The following CLASP1 variants were observed in gnomAD, a reference collection of about 807,000 sequenced individuals.
CLASP1 encodes the protein cytoplasmic linker associated protein 1, also known as CLIP-associating protein 1.
A neutral mutation model predicts 192.3 loss-of-function variants in CLASP1; 38 were observed. The observed-to-expected ratio is 0.20, with a 90% CI of 0.15 to 0.26. The LOEUF (loss-of-function observed/expected upper bound fraction) is 0.26, where lower values mean the gene tolerates loss of function less well. Among genes scored for constraint, CLASP1 ranks in the 10% least tolerant of loss-of-function variants. The pLI is 1.00. For missense variants in CLASP1, 1,433 were observed against 1,932.5 expected (o/e 0.74, Z 4.85); for synonymous variants, 691 against 712.8 (o/e 0.97, Z 0.49).
At chr2:121,561,760 T>C (rs1263182499) in intron 2 of CLASP1, among the ~76,000 whole-genome samples, 1 of 152,250 alleles carries the variant, frequency 6.6e-6, no homozygotes, top group East Asian at 1.9e-4. Context: ...TACTGGGCTC[T>C]CTAAATAAAG....
chr2:121,412,211 T>G (rs1435486088), intron 23 of CLASP1, among the ~76,000 whole-genome samples: 4 of 152,162 alleles, frequency 2.6e-5, no homozygotes. Flanking sequence ...GGAGAAAAAT[T>G]TAAACACTGC....
chr2:121,633,734 C>T (rs1479400694), intron 1 of CLASP1, among the ~76,000 whole-genome samples: 1 of 152,064 alleles, frequency 6.6e-6, no homozygotes, highest in Non-Finnish European at 1.5e-5. Flanking sequence ...GGGCCAGGCA[C>T]GGTGGCTCAC....
intron 2 of CLASP1, among the ~76,000 whole-genome samples, chr2:121,581,568 C>T (rs1378932818): frequency 6.6e-6 from 1 of 152,128 alleles, no homozygotes; most frequent in African/African-American, 2.4e-5. Flanking sequence ...GCCACCGCGC[C>T]CGGCCCCTTT....
chr2:121,346,942 A>G (rs1436698894), intron 39 of CLASP1, 96 bp downstream of exon 40: 2 of 746,508 alleles, frequency 2.7e-6, no homozygotes, highest in Non-Finnish European at 4.5e-6. Flanking sequence ...CACAATGAAC[A>G]AAACCTGTCT....
At chr2:121,502,352 A>G (rs1442671779) in intron 8 of CLASP1, among the ~76,000 whole-genome samples, 1 of 152,176 alleles carries the variant, frequency 6.6e-6, no homozygotes, top group Non-Finnish European at 1.5e-5. Context: ...GATACATGCA[A>G]AGAAAACTCA....
At chr2:121,478,752 C>A (rs1194669947) in intron 8 of CLASP1, among the ~76,000 whole-genome samples, 55 of 48,804 alleles carry the variant, frequency 1.1e-3, no homozygotes, top group East Asian at 4.2e-3. Flanking sequence ...CCACACACAC[C>A]ACACACACAC....
intron 23 of CLASP1, among the ~76,000 whole-genome samples, chr2:121,417,244 C>T (rs1376155954): frequency 1.3e-5 from 2 of 152,164 alleles, no homozygotes; most frequent in African/African-American, 2.4e-5. Context: ...GCCTGCTCCA[C>T]ATGCCAGATT....
intron 2 of CLASP1, among the ~76,000 whole-genome samples, chr2:121,540,504 C>T (rs991480918): frequency 2.6e-5 from 4 of 151,892 alleles, no homozygotes; most frequent in Admixed American, 2.6e-4. Flanking sequence ...ACCAAGCAAA[C>T]ATGGCCAGGC....
chr2:121,494,281 G>C (rs2093439510), intron 8 of CLASP1, among the ~76,000 whole-genome samples: 1 of 152,234 alleles, frequency 6.6e-6, no homozygotes. Flanking sequence ...AAAAGAATGA[G>C]ATCCTGTCAT....
chr2:121,496,943 G>T (rs2093558718), intron 8 of CLASP1, among the ~76,000 whole-genome samples: 2 of 152,052 alleles, frequency 1.3e-5, no homozygotes, highest in Non-Finnish European at 2.9e-5. Context: ...GGAACTAGAG[G>T]CCATCATATT....
chr2:121,457,163 TG>T (rs2086838756), intron 14 of CLASP1, among the ~76,000 whole-genome samples: 1 of 152,162 alleles, frequency 6.6e-6, no homozygotes, highest in Admixed American at 6.5e-5. Flanking sequence ...CTGTGTCTTC[TG>T]GGTATATCTC....
chr2:121,592,016 C>T (rs945697388), intron 2 of CLASP1, among the ~76,000 whole-genome samples: 1 of 152,152 alleles, frequency 6.6e-6, no homozygotes, highest in African/African-American at 2.4e-5. Context: ...ACAGACTCTC[C>T]CTCTACCTAA....
chr2:121,531,121 CAAGT>C, intron 2 of CLASP1: 1 of 627,908 alleles, frequency 1.6e-6, no homozygotes, highest in Non-Finnish European at 2.9e-6. Flanking sequence ...TTTAGTGTCG[CAAGT>C]AAAGTTCTTT....
chr2:121,367,132 G>A (rs143797317), intron 35 of CLASP1, among the ~76,000 whole-genome samples: 8 of 152,326 alleles, frequency 5.3e-5, no homozygotes, highest in Non-Finnish European at 1.0e-4. Context: ...TGTGAAAGGA[G>A]AGGGAAGCCT....
At chr2:121,470,934 C>T (rs1048137756) in intron 8 of CLASP1, among the ~76,000 whole-genome samples, 4 of 152,022 alleles carry the variant, frequency 2.6e-5, no homozygotes, top group East Asian at 1.9e-4. Context: ...ACATTTTTTT[C>T]GTAAGTTCAT....
intron 2 of CLASP1, among the ~76,000 whole-genome samples, chr2:121,570,215 G>A (rs968584389): frequency 4.6e-5 from 7 of 152,232 alleles, no homozygotes; most frequent in Admixed American, 1.3e-4. Flanking sequence ...AAAGGAAAGA[G>A]ACAGGTGGCA....
intron 23 of CLASP1, among the ~76,000 whole-genome samples, chr2:121,416,931 CTGT>C (rs2078694801): frequency 6.6e-6 from 1 of 152,218 alleles, no homozygotes; most frequent in Admixed American, 6.5e-5. Flanking sequence ...ATGAGCAATG[CTGT>C]TGTTCTTGCT....
chr2:121,431,562 A>AC (rs988030619), intron 19 of CLASP1, among the ~76,000 whole-genome samples: 55 of 152,236 alleles, frequency 3.6e-4, no homozygotes, highest in African/African-American at 1.3e-3. Flanking sequence ...AACATGAAAA[A>AC]AACAACTGAA....
At chr2:121,511,488 TGAG>T (rs2094133515) in intron 7 of CLASP1, among the ~76,000 whole-genome samples, 1 of 151,536 alleles carries the variant, frequency 6.6e-6, no homozygotes, top group Admixed American at 6.6e-5. Flanking sequence ...CTCGGGAGGC[TGAG>T]GCAGGAGAAT....
Sources: allele counts gnomAD v4.1 joint callset (sites outside exome capture counted in the v4.1 genomes callset), GRCh38; gene constraint gnomAD v4.1.1; transcripts MANE v1.5; gene names NCBI Gene and HGNC (gene_info 2026-07-23, HGNC 2026-07-21).